The following MTMR7 variants were observed in gnomAD, a reference collection of about 807,000 sequenced individuals.
MTMR7 encodes myotubularin related protein 7, also known as phosphatidylinositol-3-phosphate phosphatase MTMR7.
In MTMR7, 76 loss-of-function variants were observed where a neutral mutation model predicts 81.2. That is an observed-to-expected ratio of 0.94 (90% confidence interval 0.78 to 1.13). The LOEUF (loss-of-function observed/expected upper bound fraction) is 1.13. Ranked by LOEUF, MTMR7 falls within the 50% of genes most tolerant of loss-of-function variation. The probability of loss-of-function intolerance (pLI) is 0.00; values close to 1 mark genes in which losing one functional copy is unlikely to be tolerated. For synonymous variants in MTMR7, 372 were observed against 289.8 expected (o/e 1.28, Z -2.88); for missense variants, 1,044 against 820.0 (o/e 1.27, Z -3.34).
chr8:17,381,442 A>G (rs181667670), intron 1 of MTMR7, among the ~76,000 whole-genome samples: 65 of 152,144 alleles, frequency 4.3e-4, no homozygotes, highest in Non-Finnish European at 7.4e-4. Flanking sequence ...CAATCTTAGT[A>G]GAATGTGGGT....
At chr8:17,368,058 T>C (rs1397835425) in intron 3 of MTMR7, among the ~76,000 whole-genome samples, 2 of 152,110 alleles carry the variant, frequency 1.3e-5, no homozygotes, top group African/African-American at 4.8e-5. Flanking sequence ...ACCAGCTTTG[T>C]GGAAGACAAT....
chr8:17,338,325 C>T (rs917745376), intron 6 of MTMR7, among the ~76,000 whole-genome samples: 4 of 152,160 alleles, frequency 2.6e-5, no homozygotes, highest in Admixed American at 2.6e-4. Context: ...TCTACAGCTG[C>T]CACGTTTCCT....
At chr8:17,337,153 CCT>C (rs1819266514) in intron 6 of MTMR7, among the ~76,000 whole-genome samples, 1 of 152,092 alleles carries the variant, frequency 6.6e-6, no homozygotes, top group Non-Finnish European at 1.5e-5. Context: ...GGGCGGATCA[CCT>C]GAGGTCAGGA....
chr8:17,335,152 G>A (rs112957158), intron 6 of MTMR7, among the ~76,000 whole-genome samples: 1,801 of 152,278 alleles, frequency 0.012, 18 homozygotes, highest in Non-Finnish European at 0.021. Flanking sequence ...CAGGAATAAG[G>A]AGCGAGCAGA....
At chr8:17,383,300 C>T (rs1820819513) in intron 1 of MTMR7, among the ~76,000 whole-genome samples, 1 of 152,112 alleles carries the variant, frequency 6.6e-6, no homozygotes, top group African/African-American at 2.4e-5. Flanking sequence ...TTTAACCCTT[C>T]CCTCAAGCAG....
intron 7 of MTMR7, among the ~76,000 whole-genome samples, chr8:17,327,641 TAA>T (rs56151155): frequency 4.7e-5 from 7 of 148,630 alleles, no homozygotes; most frequent in African/African-American, 1.7e-4. Flanking sequence ...AGAAACCTGG[TAA>T]AAAAAAAAAC....
chr8:17,402,467 A>G (rs1821455400), intron 1 of MTMR7, among the ~76,000 whole-genome samples: 2 of 152,020 alleles, frequency 1.3e-5, no homozygotes. Context: ...CATGTGTTCA[A>G]TTGTTTTAAT....
At chr8:17,376,760 T>A (rs1369439440) in intron 1 of MTMR7, among the ~76,000 whole-genome samples, 1 of 152,178 alleles carries the variant, frequency 6.6e-6, no homozygotes, top group African/African-American at 2.4e-5. Context: ...CATGCTGATA[T>A]TTATTATCGC....
intron 1 of MTMR7, among the ~76,000 whole-genome samples, chr8:17,386,935 C>T (rs1032284455): frequency 5.3e-5 from 8 of 152,310 alleles, no homozygotes; most frequent in Admixed American, 4.6e-4. Flanking sequence ...TCCTGCCACA[C>T]AGTCTAGTCC....
chr8:17,302,105 T>C (rs113453094), intron 13 of MTMR7, 49 bp downstream of exon 13: 7 of 1,612,396 alleles, frequency 4.3e-6, no homozygotes, highest in Non-Finnish European at 5.1e-6. Flanking sequence ...AGCCTTGCTC[T>C]TCAAGAAATA....
intron 1 of MTMR7, among the ~76,000 whole-genome samples, chr8:17,375,786 A>G (rs1324955953): frequency 6.6e-6 from 1 of 152,102 alleles, no homozygotes; most frequent in African/African-American, 2.4e-5. Flanking sequence ...TTCCTTTCCA[A>G]TATTTATCTT....
In MTMR7 at chr8:17,349,067, A is replaced by AT; in HGVS notation, c.482dup (p.Tyr161Ter). The AT allele has an allele frequency of 6.2e-7, 1 of 1,612,130 alleles. No homozygotes were observed. The highest frequency in any genetic ancestry group is 8.5e-7 in the Non-Finnish European group (1 of 1,179,688). Residue 161 changes from tyrosine (Y) to a stop codon, truncating the protein, a stop_gained and frameshift_variant, in exon 5 of 14, where the codon TAT (tyrosine) becomes TAAT (stop). Coordinates refer to ENST00000180173, the MANE Select transcript of MTMR7 (RefSeq NM_004686.5). LOFTEE classifies it high-confidence loss of function. ...VNRDYRVCDSYPTELYVPKSA... is the reference protein window; with the variant it reads ...VNRDYRVCDS ...ATTTGGGAACGTACAGTTCAGTAGG[A>AT]TAAGAGTCACAGACCTGTCACCAGA...
At chr8:17,375,231 C>A (rs1369007524) in intron 1 of MTMR7, among the ~76,000 whole-genome samples, 1 of 152,114 alleles carries the variant, frequency 6.6e-6, no homozygotes, top group African/African-American at 2.4e-5. Flanking sequence ...GACCCAAGAC[C>A]TCCCATTGCC....
At chr8:17,381,090 G>T (rs1220842173) in intron 1 of MTMR7, among the ~76,000 whole-genome samples, 1 of 152,110 alleles carries the variant, frequency 6.6e-6, no homozygotes, top group Non-Finnish European at 1.5e-5. Context: ...GCAAAAGGGT[G>T]AACAAGGTAG....
At chr8:17,305,981 T>A (rs988524493) in intron 10 of MTMR7, 24 bp from the exon 11 acceptor site, 1 of 1,553,874 alleles carries the variant, frequency 6.4e-7, no homozygotes, top group Non-Finnish European at 8.8e-7. Flanking sequence ...CATTAGAGAC[T>A]TTTTAAGGCA....
rs532588092 is a variant in MTMR7, at chr8:17,408,217, C to G, written c.24+5052G>C. ...CATCCCGGCTAAAACGGTGAAACCCCGTCTCTACTAAAAATACAAAAATTA... is the reference window on the plus strand; with the variant it reads ...CATCCCGGCTAAAACGGTGAAACCCGGTCTCTACTAAAAATACAAAAATTA... On this transcript the variant is annotated intron_variant, in intron 1 of 13. Transcript: ENST00000180173. Among the ~76,000 whole-genome samples the G allele has an allele frequency of 8.5e-4, 98 of 115,868 alleles. 9 individuals carry two copies. The highest frequency in any genetic ancestry group is 2.4e-3 in the African/African-American group (94 of 38,890). The allele number at this position is 115,868 out of a possible 152,430, so 76.0% of individuals were successfully genotyped here.
chr8:17,356,422 C>A (rs1819891724), intron 4 of MTMR7, among the ~76,000 whole-genome samples: 1 of 152,014 alleles, frequency 6.6e-6, no homozygotes, highest in Non-Finnish European at 1.5e-5. Flanking sequence ...CCTTGGGGTC[C>A]AGGCATGGTG....
chr8:17,394,452 C>A (rs990598957), intron 1 of MTMR7, among the ~76,000 whole-genome samples: 1 of 152,066 alleles, frequency 6.6e-6, no homozygotes, highest in African/African-American at 2.4e-5. Context: ...CCAGTCACAA[C>A]GGACCATAAA....
At chr8:17,320,715 G>C (rs780842951) in intron 7 of MTMR7, among the ~76,000 whole-genome samples, 2 of 152,178 alleles carry the variant, frequency 1.3e-5, no homozygotes, top group Non-Finnish European at 2.9e-5. Flanking sequence ...CTGATGCCTT[G>C]TGACAGTGCC....
Sources: gnomAD v4.1 joint callset for allele counts (sites outside exome capture counted in the v4.1 genomes callset) on GRCh38, gnomAD v4.1.1 for gene constraint, MANE v1.5 for transcripts, NCBI Gene and HGNC (gene_info 2026-07-23, HGNC 2026-07-21) for gene names.